The following ESYT2 variants were observed in gnomAD, a reference collection of about 807,000 sequenced individuals.
ESYT2 encodes the protein extended synaptotagmin-2.
In ESYT2, 54 loss-of-function variants were observed where a neutral mutation model predicts 107.2. The ratio of observed to expected loss-of-function variants is 0.50; its 90% CI spans 0.40 to 0.63. The LOEUF is 0.63. ESYT2 is among the 30% of genes least tolerant of loss of function. The pLI is 0.00. For missense variants in ESYT2, 1,020 were observed against 1,094.5 expected (o/e 0.93, Z 0.96); for synonymous variants, 491 against 434.1 (o/e 1.13, Z -1.63).
At chr7:158,810,725 A>T (rs763221789) in intron 1 of ESYT2, among the ~76,000 whole-genome samples, 1 of 152,020 alleles carries the variant, frequency 6.6e-6, no homozygotes, top group African/African-American at 2.4e-5. Flanking sequence ...ACATGTTATA[A>T]TATTTCATTT....
chr7:158,764,506 G>A (rs888519393), intron 9 of ESYT2, among the ~76,000 whole-genome samples, 171 bp downstream of exon 9: 1 of 152,228 alleles, frequency 6.6e-6, no homozygotes, highest in African/African-American at 2.4e-5. Flanking sequence ...ATGTTGTGTA[G>A]TAAGGAGAGA....
At chr7:158,827,603 C>G (rs1438180709) in intron 1 of ESYT2, 1 of 152,212 alleles carries the variant, frequency 6.6e-6, no homozygotes, top group South Asian at 2.1e-4. Context: ...TGTACATTCC[C>G]AAGCTCCTTA....
At chr7:158,752,719 A>C in intron 14 of ESYT2, 62 bp downstream of exon 14, 2 of 1,136,468 alleles carry the variant, frequency 1.8e-6, no homozygotes, top group Non-Finnish European at 2.3e-6. Flanking sequence ...CTTATGAGAC[A>C]AAGTATCATC....
Position 158,734,177 on chromosome 7 carries a change from G to C in ESYT2, c.*30C>G. The C allele has an allele frequency of 6.2e-7, 1 of 1,613,702 alleles. No individual in the cohort carries two copies. The highest frequency in any genetic ancestry group is 8.5e-7 in the Non-Finnish European group (1 of 1,179,700). On this transcript the variant is annotated 3_prime_UTR_variant, in exon 23 of 23. Transcript: ENST00000275418. ...GTTCCGGGTAGAGGTGGAGAGCTAC[G>C]CTGAAGAGGACGCCTCCTGCCTGCT... is the stretch of plus-strand genomic sequence containing the variant.
intron 13 of ESYT2, among the ~76,000 whole-genome samples, chr7:158,755,477 G>A (rs1252322905): frequency 6.6e-6 from 1 of 152,176 alleles, no homozygotes; most frequent in Non-Finnish European, 1.5e-5. Context: ...AGCAGTTGTA[G>A]AATGGGAAAA....
chr7:158,793,689 T>C lies in ESYT2; in HGVS notation c.545A>G (p.Asn182Ser). 1.2e-6 allele frequency: 2 copies of C among 1,613,524 alleles called. No individual in the cohort carries two copies. The highest frequency in any genetic ancestry group is 2.2e-5 in the East Asian group (1 of 44,854). The part of the protein sequence containing the change: ...RINGVKVYTE[N>S]VDKRQIILDL... ...CAAAATAATTTGCCTTTTGTCTACA[T>C]TTTCAGTGTATACCTTAACACCATT... The change falls in exon 4 of 23, where the codon AAT (asparagine) becomes AGT (serine). Residue 182 changes from asparagine to serine, a missense_variant. Transcript: ENST00000275418.
chr7:158,823,805 G>A (rs1840361013), intron 1 of ESYT2, among the ~76,000 whole-genome samples: 1 of 152,144 alleles, frequency 6.6e-6, no homozygotes. Context: ...GGTTCATTAG[G>A]TCTAACAATA....
chr7:158,829,056 C>G (rs1840548915), intron 1 of ESYT2, 33 bp downstream of exon 1: 5 of 1,561,458 alleles, frequency 3.2e-6, no homozygotes, highest in Non-Finnish European at 3.4e-6. Flanking sequence ...GACTGGTGGT[C>G]AGGGGTCGGG....
intron 1 of ESYT2, among the ~76,000 whole-genome samples, chr7:158,823,886 ATGTTT>A (rs984906295): frequency 4.6e-5 from 7 of 152,250 alleles, no homozygotes; most frequent in South Asian, 2.1e-4. Context: ...AAAATATATT[ATGTTT>A]TAAGTGTATA....
chr7:158,781,511 G>T (rs186457032), intron 6 of ESYT2, among the ~76,000 whole-genome samples: 4 of 151,854 alleles, frequency 2.6e-5, no homozygotes, highest in Admixed American at 1.3e-4. Flanking sequence ...GAACGTGTGA[G>T]AACAAAGTGT....
At chr7:158,749,617 C>A in intron 15 of ESYT2, 32 bp downstream of exon 15, 5 of 1,610,816 alleles carry the variant, frequency 3.1e-6, no homozygotes, top group African/African-American at 2.7e-5. Context: ...GCACGACAGG[C>A]ACCAAGGCTG....
chr7:158,771,145 C>T (rs1838354373), intron 7 of ESYT2, among the ~76,000 whole-genome samples: 1 of 152,208 alleles, frequency 6.6e-6, no homozygotes, highest in African/African-American at 2.4e-5. Context: ...ATCAGGGGAT[C>T]AACTTCCCCA....
At chr7:158,820,446 T>A (rs1306513495) in intron 1 of ESYT2, among the ~76,000 whole-genome samples, 2 of 152,232 alleles carry the variant, frequency 1.3e-5, no homozygotes, top group African/African-American at 2.4e-5. Flanking sequence ...TGTATACATA[T>A]TTCAAAACAT....
chr7:158,787,979 A>T, intron 6 of ESYT2, 25 bp downstream of exon 6: 2 of 1,592,044 alleles, frequency 1.3e-6, no homozygotes, highest in Non-Finnish European at 1.7e-6. Flanking sequence ...ATGGGAAAAT[A>T]AAAATGAAAT....
intron 1 of ESYT2, among the ~76,000 whole-genome samples, chr7:158,802,384 T>C (rs898195740): frequency 1.3e-5 from 2 of 152,126 alleles, no homozygotes; most frequent in African/African-American, 4.8e-5. Context: ...CCTCCCGGGT[T>C]CAAGCAATTC....
chr7:158,789,195 T>C (rs1010395995), intron 4 of ESYT2, among the ~76,000 whole-genome samples: 1 of 152,228 alleles, frequency 6.6e-6, no homozygotes, highest in Non-Finnish European at 1.5e-5. Context: ...AAAAGGAATC[T>C]GGGATAAGTT....
rs530958273 is a variant in ESYT2, at chr7:158,734,101, C to T, written c.*106G>A. 17 of 1,375,146 alleles carry T rather than the reference C, an allele frequency of 1.2e-5. No homozygotes were observed. Among genetic ancestry groups the T allele is most frequent in the Non-Finnish European group, 1.7e-5 (17 of 987,618 alleles). The allele number at this position is 1,375,146 out of a possible 1,614,324, so 85.2% of individuals were successfully genotyped here. On this transcript the variant is annotated 3_prime_UTR_variant, in exon 23 of 23. Transcript: ENST00000275418. ...TATAAAACTATTAAGGTATGTATAA[C>T]TAAATCCATGAAATTATAAAAATAA...
Position 158,767,684 on chromosome 7 carries a change from T to C in ESYT2, c.894A>G (p.Gln298=), listed in dbSNP as rs753491578. ...GTACAGGAAACCGCAACTGAGCTAT[T>C]TGAACTTCACTGACAAGTGGAACGG... ...RITVPLVSEV[Q]IAQLRFPVPK... Residue 298 remains glutamine, a synonymous_variant, in exon 8 of 23, where the codon CAA becomes CAG. Coordinates refer to ENST00000275418, the MANE Select transcript of ESYT2 (RefSeq NM_001367773.1). 9.9e-6 allele frequency: 16 copies of C among 1,612,666 alleles called. No individual in the cohort carries two copies. In the Admixed American group the frequency reaches 1.5e-4, roughly 15 times the overall value.
At chr7:158,814,476 C>A (rs1840097200) in intron 1 of ESYT2, among the ~76,000 whole-genome samples, 1 of 151,728 alleles carries the variant, frequency 6.6e-6, no homozygotes, top group Non-Finnish European at 1.5e-5. Context: ...GTCCCGATTA[C>A]CCTCACAGAT....
Sources: allele counts gnomAD v4.1 joint callset (sites outside exome capture counted in the v4.1 genomes callset), GRCh38; gene constraint gnomAD v4.1.1; transcripts MANE v1.5; gene names NCBI Gene and HGNC (gene_info 2026-07-23, HGNC 2026-07-21).